The following ANKFY1 variants were observed in gnomAD, a reference collection of about 807,000 sequenced individuals.
ANKFY1 encodes ankyrin repeat and FYVE domain containing 1.
A neutral mutation model predicts 128.3 loss-of-function variants in ANKFY1; 47 were observed. That is an observed-to-expected ratio of 0.37 (90% confidence interval 0.29 to 0.47). The LOEUF (loss-of-function observed/expected upper bound fraction) is 0.47. Among genes scored for constraint, ANKFY1 ranks in the 20% least tolerant of loss-of-function variants. The pLI is 1.00. For synonymous variants in ANKFY1, 553 were observed against 601.6 expected (o/e 0.92, Z 1.18); for missense variants, 1,222 against 1,510.6 (o/e 0.81, Z 3.17).
rs930326441 is a variant in ANKFY1 at position 4,165,939 on chromosome 17, T to C, written c.*1840A>G. 6.6e-6 allele frequency: 1 copy of C among 152,260 alleles called. No homozygotes were observed. The highest frequency in any genetic ancestry group is 1.5e-5 in the Non-Finnish European group (1 of 68,052). 9.4% of individuals were successfully genotyped at this position (152,260 alleles called of 1,614,324 possible). A position where few individuals can be genotyped will look rare whatever the true frequency, so the allele number is the denominator to read the frequency against. ...TACCTAAGCCCTGCCTGCTTCCTTA[T>C]GGCCCTTTCCAGGTAATAGAAAATG... On this transcript the variant is annotated 3_prime_UTR_variant, in exon 25 of 25. Coordinates refer to ENST00000341657, the MANE Select transcript of ANKFY1 (RefSeq NM_001330063.2).
At position 4,177,257 on chromosome 17, in the gene ANKFY1, A is replaced by G; in HGVS notation, c.2644T>C (p.Ser882Pro). The G allele has an allele frequency of 6.2e-7, 1 of 1,601,574 alleles. No homozygotes were observed. Among genetic ancestry groups the G allele is most frequent in the Non-Finnish European group, 8.5e-7 (1 of 1,173,950 alleles). The part of the protein sequence containing the change: ...RNFLHVAVQN[S>P]DIESVLFLIS... ...AGGAACAGCACACTTTCAATATCAG[A>G]GTTCTGAACTGCCACATGAAGGAAA... Residue 882 changes from serine to proline, a missense_variant, in exon 19 of 25, where the codon TCT (serine) becomes CCT (proline). Physicochemically the swap from Ser to Pro is moderately conservative, Grantham distance 74. Coordinates refer to ENST00000341657, the MANE Select transcript of ANKFY1 (RefSeq NM_001330063.2).
At chr17:4,241,847 T>C (rs757479406) in intron 2 of ANKFY1, among the ~76,000 whole-genome samples, 39 of 151,680 alleles carry the variant, frequency 2.6e-4, no homozygotes, top group South Asian at 6.3e-4. Flanking sequence ...CCCAGCACTC[T>C]GGGAGGCCGA....
At chr17:4,213,066 C>T (rs1008794958) in intron 4 of ANKFY1, among the ~76,000 whole-genome samples, 2 of 152,118 alleles carry the variant, frequency 1.3e-5, no homozygotes, top group Non-Finnish European at 2.9e-5. Context: ...TGAGCCACCG[C>T]ACCCCACCTC....
chr17:4,181,481 C>T lies in ANKFY1; in HGVS notation c.2122-109G>A, dbSNP rs540946109. ...ATTAAATCCACTTTCAGATAAGATA[C>T]GGTTGATAATAAATTGATAATTACT... On this transcript the variant is annotated intron_variant, in intron 15 of 24. Coordinates refer to ENST00000341657, the MANE Select transcript of ANKFY1 (RefSeq NM_001330063.2). This position sits in a 1 kb window ranked among gnomAD's most constrained non-coding sequence, Gnocchi z 4.9. 1.5e-4 allele frequency: 109 copies of T among 726,050 alleles called. 1 individual carries two copies. Among genetic ancestry groups the T allele is most frequent in the African/African-American group, 1.2e-3 (66 of 57,038 alleles). 45.0% of individuals were successfully genotyped at this position (726,050 alleles called of 1,614,324 possible).
chr17:4,208,500 AT>A (rs2060067057), intron 5 of ANKFY1, among the ~76,000 whole-genome samples: 1 of 152,194 alleles, frequency 6.6e-6, no homozygotes, highest in South Asian at 2.1e-4. Context: ...CAGTTACAAA[AT>A]CAATTCCAAC....
chr17:4,179,908 C>T, intron 16 of ANKFY1, 31 bp from the exon 17 acceptor site: 2 of 1,612,828 alleles, frequency 1.2e-6, no homozygotes, highest in Non-Finnish European at 1.7e-6. Context: ...TTAAAAAACG[C>T]CACGCTTGGA....
intron 1 of ANKFY1, among the ~76,000 whole-genome samples, chr17:4,252,158 A>T (rs1967870414): frequency 1.3e-5 from 2 of 152,344 alleles, no homozygotes; most frequent in South Asian, 4.1e-4. Context: ...AATGTACAGT[A>T]AATAAGCACA....
At chr17:4,200,176 C>T (rs1187032780) in intron 7 of ANKFY1, among the ~76,000 whole-genome samples, 1 of 151,904 alleles carries the variant, frequency 6.6e-6, no homozygotes, top group African/African-American at 2.4e-5. Flanking sequence ...ATCCTCCCAG[C>T]TCAGCCTCCT....
Position 4,194,401 on chromosome 17 carries a change from G to A in ANKFY1, c.1372+577C>T, listed in dbSNP as rs560666949. The A allele has an allele frequency of 3.8e-3, 564 of 150,148 alleles. 2 individuals are homozygous for A. Among genetic ancestry groups the A allele is most frequent in the Non-Finnish European group, 6.8e-3 (460 of 68,004 alleles). 9.3% of individuals were successfully genotyped at this position (150,148 alleles called of 1,614,324 possible). On this transcript the variant is annotated intron_variant, in intron 10 of 24. Coordinates refer to ENST00000341657, the MANE Select transcript of ANKFY1 (RefSeq NM_001330063.2). Reference sequence around the variant, plus strand: ...TGGGATTACAGGTGTGAGCCACCACGCCTGGCCAACCTTTAATTATTAACT... The same window carrying A: ...TGGGATTACAGGTGTGAGCCACCACACCTGGCCAACCTTTAATTATTAACT...
chr17:4,258,772 G>A (rs1331973607), intron 1 of ANKFY1, among the ~76,000 whole-genome samples: 1 of 152,108 alleles, frequency 6.6e-6, no homozygotes, highest in East Asian at 1.9e-4. Context: ...AATTTAAGTA[G>A]CCACATGTGG....
In ANKFY1 at chr17:4,207,981, C is replaced by T. The variant is rs1235112022; in HGVS notation, c.684G>A (p.Val228=). ...TEYPLHKAIK[V]EREDVVFLYL... is the part of the protein sequence containing the mutation. ...ACAGGAAGACCACGTCTTCTCTCTC[C>T]ACTTTGATGGCTTTATGTAGCGGGT... The change falls in exon 6 of 25, where the codon GTG becomes GTA. Residue 228 remains valine (V), a synonymous_variant. Transcript: ENST00000341657. The T allele has an allele frequency of 1.9e-6, 3 of 1,610,186 alleles. No individual in the cohort carries two copies. The highest frequency in any genetic ancestry group is 4.5e-5 in the East Asian group (2 of 44,512).
rs2059584511 is a variant in ANKFY1 at position 4,184,949 on chromosome 17, T to G, written c.1568A>C (p.Glu523Ala). 1 of 1,613,970 alleles carries G rather than the reference T, an allele frequency of 6.2e-7. No homozygotes were observed. The highest frequency in any genetic ancestry group is 1.3e-5 in the African/African-American group (1 of 74,938). ...QGANPNLQTE[E>A]ALPLPKEAAS... is the part of the protein sequence containing the mutation. ...GGCCTCCTTTGGCAGAGGCAGAGCT[T>G]CCTCCGTCTGCAGGTTTGGGTTGGC... The change falls in exon 12 of 25, where the codon GAA becomes GCA. Residue 523 changes from glutamate to alanine, a missense_variant. By Grantham distance (107) the Glu-to-Ala change is moderately radical (BLOSUM62 -1). Coordinates refer to ENST00000341657, the MANE Select transcript of ANKFY1 (RefSeq NM_001330063.2).
chr17:4,214,260 T>A (rs2060184244), intron 4 of ANKFY1, among the ~76,000 whole-genome samples: 1 of 152,222 alleles, frequency 6.6e-6, no homozygotes. Context: ...GATCTTTTAT[T>A]AAAGCTGGCA....
At chr17:4,258,352 C>G (rs1968232650) in intron 1 of ANKFY1, among the ~76,000 whole-genome samples, 1 of 152,068 alleles carries the variant, frequency 6.6e-6, no homozygotes, top group South Asian at 2.1e-4. Flanking sequence ...GGTGAAACCT[C>G]ATCTCTACCA....
intron 3 of ANKFY1, among the ~76,000 whole-genome samples, chr17:4,219,684 ATC>A (rs1270220699): frequency 6.6e-6 from 1 of 152,088 alleles, no homozygotes; most frequent in East Asian, 1.9e-4. Flanking sequence ...TTAATTCACC[ATC>A]TCCTAAAACA....
At chr17:4,220,127 T>C (rs1199146554) in intron 3 of ANKFY1, among the ~76,000 whole-genome samples, 3 of 152,220 alleles carry the variant, frequency 2.0e-5, no homozygotes, top group Non-Finnish European at 4.4e-5. Flanking sequence ...GCCCGGCCAG[T>C]AGTAGCACTT....
Position 4,242,280 on chromosome 17 carries a change from T to A in ANKFY1, c.179A>T (p.Asp60Val). Residue 60 changes from aspartate to valine, a missense_variant, in exon 2 of 25, where the codon GAC (aspartate) becomes GTC (valine). By Grantham distance (152) the Asp-to-Val change is radical. Transcript: ENST00000341657. Reference sequence around the variant, plus strand: ...CCTGTACTGCTCCTGCTCGTAGAGGTCTGCCACGATGGCCAGCAGACGGCT... The same window carrying A: ...CCTGTACTGCTCCTGCTCGTAGAGGACTGCCACGATGGCCAGCAGACGGCT... Reference protein sequence around the residue: ...FISRLLAIVADLYEQEQYSDL... With the variant: ...FISRLLAIVAVLYEQEQYSDL... 1 of 1,590,768 alleles carries A rather than the reference T, an allele frequency of 6.3e-7. No individual in the cohort carries two copies. The highest frequency in any genetic ancestry group is 8.5e-7 in the Non-Finnish European group (1 of 1,172,038).
intron 10 of ANKFY1, among the ~76,000 whole-genome samples, chr17:4,189,933 G>A (rs1910038290): frequency 1.3e-5 from 2 of 152,194 alleles, no homozygotes; most frequent in Non-Finnish European, 2.9e-5. Flanking sequence ...GAACGCCCCG[G>A]GCTGGAACAT....
At chr17:4,213,302 G>A (rs1300295646) in intron 4 of ANKFY1, among the ~76,000 whole-genome samples, 1 of 151,692 alleles carries the variant, frequency 6.6e-6, no homozygotes, top group Non-Finnish European at 1.5e-5. Flanking sequence ...TGATTCTCCT[G>A]CCTCAGCCTC....
Sources: allele counts gnomAD v4.1 joint callset (sites outside exome capture counted in the v4.1 genomes callset), GRCh38; gene constraint gnomAD v4.1.1; non-coding constraint Gnocchi (gnomAD v3.1); transcripts MANE v1.5; gene names NCBI Gene and HGNC (gene_info 2026-07-23, HGNC 2026-07-21).